The following IFNAR1 variants were observed in gnomAD, a reference collection of about 807,000 sequenced individuals.
IFNAR1 encodes interferon alpha/beta receptor 1.
Under a neutral mutation model 62.1 loss-of-function variants are expected in IFNAR1, and 47 were observed. That is an observed-to-expected ratio of 0.76 (90% confidence interval 0.60 to 0.97). The LOEUF is 0.97. Ranked by LOEUF, IFNAR1 falls within the 50% of genes least tolerant of loss-of-function variation. The pLI is 0.00. For missense variants in IFNAR1, 638 were observed against 654.5 expected (o/e 0.97, Z 0.27); for synonymous variants, 219 against 226.9 (o/e 0.97, Z 0.31).
In IFNAR1 at chr21:33,359,727, C is replaced by G. The variant is rs1034608820; in HGVS notation, c.*4178C>G. 3 of 152,190 alleles carry G rather than the reference C, an allele frequency of 2.0e-5. No homozygotes were observed. The highest frequency in any genetic ancestry group is 7.2e-5 in the African/African-American group (3 of 41,442). The allele number at this position is 152,190 out of a possible 1,614,324, so 9.4% of individuals were successfully genotyped here. ...AAATTGAATACAATTTGTATTCAGGCTGGGAACCTGAACACACACTTGTGT... is the reference window on the plus strand; with the variant it reads ...AAATTGAATACAATTTGTATTCAGGGTGGGAACCTGAACACACACTTGTGT... On this transcript the variant is annotated 3_prime_UTR_variant, in exon 11 of 11. Coordinates refer to ENST00000270139, the MANE Select transcript of IFNAR1 (RefSeq NM_000629.3).
chr21:33,326,717 T>G (rs1436214671), intron 1 of IFNAR1, among the ~76,000 whole-genome samples: 1 of 152,194 alleles, frequency 6.6e-6, no homozygotes, highest in Non-Finnish European at 1.5e-5. Context: ...AAGAGGGTGT[T>G]GCAGTCACTT....
chr21:33,336,585 GCTT>G (rs1254902034), intron 2 of IFNAR1, among the ~76,000 whole-genome samples: 1 of 152,014 alleles, frequency 6.6e-6, no homozygotes, highest in Non-Finnish European at 1.5e-5. Context: ...TCCAGCTCCA[GCTT>G]CTTTCAATAT....
chr21:33,350,954 T>C (rs1035206542), intron 8 of IFNAR1, among the ~76,000 whole-genome samples: 1 of 152,160 alleles, frequency 6.6e-6, no homozygotes, highest in Non-Finnish European at 1.5e-5. Context: ...AACTAAATTT[T>C]TCAAAAGGAT....
chr21:33,328,089 T>C (rs1601851778), intron 1 of IFNAR1, among the ~76,000 whole-genome samples: 1 of 152,280 alleles, frequency 6.6e-6, no homozygotes, highest in South Asian at 2.1e-4. Flanking sequence ...TCTTAAAACA[T>C]GAGGGGTTTT....
intron 2 of IFNAR1, among the ~76,000 whole-genome samples, chr21:33,337,410 C>T (rs752388734): frequency 6.6e-6 from 1 of 151,748 alleles, no homozygotes; most frequent in Non-Finnish European, 1.5e-5. Flanking sequence ...CTTTGCCTTC[C>T]GATTATGTGT....
chr21:33,335,621 T>G lies in IFNAR1; in HGVS notation c.174T>G (p.Asn58Lys). Residue 58 changes from asparagine (N) to lysine (K), a missense_variant, in exon 2 of 11, where the codon AAT (asparagine) becomes AAG (lysine). Physicochemically the swap from Asn to Lys is moderately conservative, Grantham distance 94 (BLOSUM62 0). Coordinates refer to ENST00000270139, the MANE Select transcript of IFNAR1 (RefSeq NM_000629.3). ...ACAGGAGCGATGAGTCTGTCGGGAATGTGACTTTTTCATTCGATTATCAAA... is the reference window on the plus strand; with the variant it reads ...ACAGGAGCGATGAGTCTGTCGGGAAGGTGACTTTTTCATTCGATTATCAAA... The part of the protein sequence containing the change: ...RWNRSDESVG[N>K]VTFSFDYQKT... 1.3e-6 allele frequency: 2 copies of G among 1,589,172 alleles called. No individual in the cohort carries two copies. Among genetic ancestry groups the G allele is most frequent in the Non-Finnish European group, 1.7e-6 (2 of 1,167,456 alleles).
intron 2 of IFNAR1, 134 bp from the exon 3 acceptor site, chr21:33,340,865 C>T (rs2083285751): frequency 1.7e-6 from 1 of 602,976 alleles, no homozygotes; most frequent in African/African-American, 1.9e-5. Context: ...AACTCTTAAA[C>T]CAAAAATAGA....
chr21:33,335,410 C>T (rs569937767), intron 1 of IFNAR1, 114 bp from the exon 2 acceptor site: 1 of 545,104 alleles, frequency 1.8e-6, no homozygotes, highest in African/African-American at 1.9e-5. Context: ...TTAAAATATA[C>T]TTCATTATGT....
intron 6 of IFNAR1, among the ~76,000 whole-genome samples, chr21:33,347,418 C>T (rs558196942): frequency 6.6e-6 from 1 of 152,288 alleles, no homozygotes; most frequent in East Asian, 1.9e-4. Context: ...GCGTGAGGCA[C>T]CGCGCTCAGC....
In IFNAR1 at chr21:33,325,121, C is replaced by G. The variant is rs2083113412; in HGVS notation, c.66C>G (p.Ser22=). Reference sequence around the variant, plus strand: ...TCGCCGTGGCGCCATGGGTGTTGTCCGCAGCCGCAGGTGAGAGGCGGGGAG... The same window carrying G: ...TCGCCGTGGCGCCATGGGTGTTGTCGGCAGCCGCAGGTGAGAGGCGGGGAG... ...VLVAVAPWVL[S]AAAGGKNLKS... The change falls in exon 1 of 11, where the codon TCC becomes TCG. Residue 22 remains serine, a synonymous_variant. Coordinates refer to ENST00000270139, the MANE Select transcript of IFNAR1 (RefSeq NM_000629.3). The G allele has an allele frequency of 6.2e-7, 1 of 1,610,844 alleles. No homozygotes were observed. Among genetic ancestry groups the G allele is most frequent in the Non-Finnish European group, 8.5e-7 (1 of 1,179,220 alleles).
intron 6 of IFNAR1, among the ~76,000 whole-genome samples, chr21:33,347,420 G>A (rs1003691215): frequency 3.9e-5 from 6 of 152,038 alleles, no homozygotes; most frequent in East Asian, 1.9e-4. Flanking sequence ...GTGAGGCACC[G>A]CGCTCAGCCA....
intron 8 of IFNAR1, among the ~76,000 whole-genome samples, chr21:33,352,233 G>A (rs542357483): frequency 3.3e-5 from 5 of 152,218 alleles, no homozygotes; most frequent in African/African-American, 1.2e-4. Flanking sequence ...AAATCAATTA[G>A]AATTCTCTTA....
At chr21:33,344,719 C>T (rs950177296) in intron 5 of IFNAR1, among the ~76,000 whole-genome samples, 7 of 151,808 alleles carry the variant, frequency 4.6e-5, no homozygotes, top group African/African-American at 9.7e-5. Flanking sequence ...AGATCTATTA[C>T]GTTCTTCATT....
chr21:33,357,528 C>CTTTTTTTTTTTTT lies in IFNAR1; in HGVS notation c.*1980_*1981insTTTTTTTTTTTTT. 7.3e-6 allele frequency: 1 copy of CTTTTTTTTTTTTT among 136,116 alleles called. No individual in the cohort carries two copies. Among genetic ancestry groups the CTTTTTTTTTTTTT allele is most frequent in the African/African-American group, 3.2e-5 (1 of 31,224 alleles). The allele number at this position is 136,116 out of a possible 1,614,324, so 8.4% of individuals were successfully genotyped here. On this transcript the variant is annotated 3_prime_UTR_variant, in exon 11 of 11. Transcript: ENST00000270139. ...ACATTTTCATCTTTCTGACCAGAGGCTGTTTTTTTTTTTTTTTGAGACAGT... is the reference window on the plus strand; with the variant it reads ...ACATTTTCATCTTTCTGACCAGAGGCTTTTTTTTTTTTTTGTTTTTTTTTTTTTTTGAGACAGT...
At position 33,357,349 on chromosome 21, in the gene IFNAR1, C is replaced by G. The variant is rs569708931; in HGVS notation, c.*1800C>G. On this transcript the variant is annotated 3_prime_UTR_variant, in exon 11 of 11. Transcript: ENST00000270139. ...GGCTGTGATGCTCGGCACATCCTGC[C>G]TGGCACATACACGTGTCTGCAGGCC... 2.6e-5 allele frequency: 4 copies of G among 152,352 alleles called. No individual in the cohort carries two copies. The highest frequency in any genetic ancestry group is 9.6e-5 in the African/African-American group (4 of 41,558). The allele number at this position is 152,352 out of a possible 1,614,324, so 9.4% of individuals were successfully genotyped here.
At position 33,343,762 on chromosome 21, in the gene IFNAR1, A is replaced by G. The variant is rs994537672; in HGVS notation, c.673+86A>G. On this transcript the variant is annotated intron_variant, in intron 5 of 10. Transcript: ENST00000270139. ...TCTTCCCCATATTGCTGAAGTTTAC[A>G]TGATAGGTCAATATATGTTAAAAAC... 4.9e-6 allele frequency: 4 copies of G among 808,744 alleles called. No individual in the cohort carries two copies. The African/African-American group carries it at 5.1e-5, about 10-fold the overall frequency. 50.1% of individuals were successfully genotyped at this position (808,744 alleles called of 1,614,324 possible).
rs910342882 is a variant in IFNAR1, at chr21:33,355,973, G to T, written c.*424G>T. On this transcript the variant is annotated 3_prime_UTR_variant, in exon 11 of 11. Coordinates refer to ENST00000270139, the MANE Select transcript of IFNAR1 (RefSeq NM_000629.3). ...GGAGGTTGCAGTGAGCCGAGATCAC[G>T]CCACTGCACTCCAGCCTGGTGACAG... 6.5e-6 allele frequency: 1 copy of T among 152,836 alleles called. No homozygotes were observed. The highest frequency in any genetic ancestry group is 1.9e-4 in the East Asian group (1 of 5,214). 9.5% of individuals were successfully genotyped at this position (152,836 alleles called of 1,614,324 possible).
intron 5 of IFNAR1, among the ~76,000 whole-genome samples, chr21:33,344,919 C>T (rs929022329): frequency 1.3e-5 from 2 of 152,086 alleles, no homozygotes; most frequent in Non-Finnish European, 2.9e-5. Flanking sequence ...TCCCGAGTAG[C>T]TGGGATTACA....
chr21:33,354,402 G>A (rs1601036943), intron 10 of IFNAR1, among the ~76,000 whole-genome samples: 3 of 152,270 alleles, frequency 2.0e-5, no homozygotes, highest in East Asian at 1.9e-4. Context: ...CCAAACTTAC[G>A]CTGTTTCAAT....
Sources: gnomAD v4.1 joint callset for allele counts (sites outside exome capture counted in the v4.1 genomes callset) on GRCh38, gnomAD v4.1.1 for gene constraint, MANE v1.5 for transcripts, NCBI Gene and HGNC (gene_info 2026-07-23, HGNC 2026-07-21) for gene names.